CSMD1: variants seen among roughly 807,000 people sequenced by gnomAD.
CSMD1 encodes CUB and sushi domain-containing protein 1.
In CSMD1, 213 loss-of-function variants were observed where a neutral mutation model predicts 417.5. The ratio of observed to expected loss-of-function variants is 0.51; its 90% CI spans 0.46 to 0.57. CSMD1 has a LOEUF of 0.57. Ranked by LOEUF, CSMD1 falls within the 20% of genes least tolerant of loss-of-function variation. The pLI, the probability that CSMD1 is intolerant of heterozygous loss-of-function variation, is 0.00. For synonymous variants in CSMD1, 2,862 were observed against 1,736.8 expected (o/e 1.65, Z -16.11); for missense variants, 6,923 against 4,529.7 (o/e 1.53, Z -15.17).
chr8:4,279,201 C>T (rs1298011661), intron 3 of CSMD1, among the ~76,000 whole-genome samples: 1 of 150,898 alleles, frequency 6.6e-6, no homozygotes, highest in Non-Finnish European at 1.5e-5. Flanking sequence ...ACGCAGTATA[C>T]ACACTAACAC....
chr8:3,975,752 T>G (rs769760823), intron 5 of CSMD1, among the ~76,000 whole-genome samples: 1 of 152,156 alleles, frequency 6.6e-6, no homozygotes, highest in Non-Finnish European at 1.5e-5. Context: ...ACAGAAAATG[T>G]CATGTCCAAG....
intron 7 of CSMD1, among the ~76,000 whole-genome samples, chr8:3,668,326 T>C (rs986388398): frequency 6.6e-6 from 1 of 152,142 alleles, no homozygotes; most frequent in South Asian, 2.1e-4. Flanking sequence ...AGGAGGGGCA[T>C]GTCCCACACA....
At chr8:3,318,567 G>A (rs527881281) in intron 23 of CSMD1, among the ~76,000 whole-genome samples, 4 of 152,264 alleles carry the variant, frequency 2.6e-5, no homozygotes, top group South Asian at 4.1e-4. Flanking sequence ...TACTTATTAA[G>A]CGCTTAATAT....
chr8:4,120,506 A>G (rs1802424770), intron 3 of CSMD1, among the ~76,000 whole-genome samples: 1 of 152,170 alleles, frequency 6.6e-6, no homozygotes, highest in South Asian at 2.1e-4. Flanking sequence ...GAGATCAATT[A>G]TTTCCAAATT....
chr8:3,307,912 G>A (rs951354046), intron 24 of CSMD1, 91 bp from the exon 25 acceptor site: 8 of 1,363,700 alleles, frequency 5.9e-6, no homozygotes, highest in African/African-American at 1.5e-5. Flanking sequence ...CATTATGTCT[G>A]CATTATATAC....
intron 2 of CSMD1, among the ~76,000 whole-genome samples, chr8:4,434,441 C>G (rs139156008): frequency 2.6e-5 from 4 of 152,160 alleles, no homozygotes; most frequent in East Asian, 3.9e-4. Context: ...CAGCCCTTGG[C>G]TTTGTGACCC....
intron 1 of CSMD1, among the ~76,000 whole-genome samples, chr8:4,921,240 C>T (rs1016063832): frequency 1.3e-5 from 2 of 152,150 alleles, no homozygotes; most frequent in African/African-American, 4.8e-5. Flanking sequence ...AAACCTCTTC[C>T]ACCAGCCAGA....
chr8:3,754,048 G>A lies in CSMD1; in HGVS notation c.819-6C>T, dbSNP rs73188909. 3.1e-6 allele frequency: 5 copies of A among 1,600,000 alleles called. No individual in the cohort carries two copies. Among genetic ancestry groups the A allele is most frequent in the South Asian group, 2.2e-5 (2 of 90,600 alleles). On this transcript the variant is annotated splice_region_variant and splice_polypyrimidine_tract_variant and intron_variant, in intron 5 of 69. Coordinates refer to ENST00000635120, the MANE Select transcript of CSMD1 (RefSeq NM_033225.6). Reference sequence around the variant, plus strand: ...GGAGGTTCATGCCAGTTAGCCTAGAGAAGAGAAAGAGGAAAAAAATCTCCC... The same window carrying A: ...GGAGGTTCATGCCAGTTAGCCTAGAAAAGAGAAAGAGGAAAAAAATCTCCC...
intron 7 of CSMD1, among the ~76,000 whole-genome samples, chr8:3,623,783 C>T (rs892757403): frequency 2.6e-5 from 4 of 152,216 alleles, no homozygotes; most frequent in African/African-American, 9.6e-5. Context: ...CAAGACTAGA[C>T]TGAACAACAT....
At chr8:3,487,173 C>G (rs1177263126) in intron 11 of CSMD1, among the ~76,000 whole-genome samples, 3 of 151,316 alleles carry the variant, frequency 2.0e-5, no homozygotes, top group African/African-American at 7.3e-5. Flanking sequence ...CTTCAGACAA[C>G]AGTGATTGAT....
chr8:4,857,543 A>G (rs543514198), intron 1 of CSMD1, among the ~76,000 whole-genome samples: 7 of 152,348 alleles, frequency 4.6e-5, no homozygotes, highest in African/African-American at 1.7e-4. Context: ...AAAAAGAGAG[A>G]AGAATCAAAT....
chr8:4,818,203 C>T (rs370499280), intron 1 of CSMD1, among the ~76,000 whole-genome samples: 2 of 152,190 alleles, frequency 1.3e-5, no homozygotes, highest in East Asian at 3.9e-4. Flanking sequence ...ATGAGTTCTC[C>T]TGAGCAAATG....
chr8:4,843,796 T>C (rs1800974843), intron 1 of CSMD1, among the ~76,000 whole-genome samples: 1 of 152,224 alleles, frequency 6.6e-6, no homozygotes, highest in South Asian at 2.1e-4. Context: ...ATGAACAAAC[T>C]GATACAACGT....
intron 3 of CSMD1, among the ~76,000 whole-genome samples, chr8:4,310,102 T>C (rs118020583): frequency 1.3e-5 from 2 of 152,254 alleles, no homozygotes; most frequent in East Asian, 1.9e-4. Context: ...CTCTCAGAGA[T>C]TCACTTATCT....
intron 1 of CSMD1, among the ~76,000 whole-genome samples, chr8:4,859,575 C>T (rs567815748): frequency 1.9e-3 from 293 of 152,178 alleles, no homozygotes; most frequent in Middle Eastern, 6.8e-3. Context: ...AAAAAACAAA[C>T]AACCCCATCA....
At chr8:4,919,969 C>T (rs950292043) in intron 1 of CSMD1, among the ~76,000 whole-genome samples, 2 of 152,294 alleles carry the variant, frequency 1.3e-5, no homozygotes, top group African/African-American at 2.4e-5. Context: ...TCTTGGACTT[C>T]CCAGCCTCCA....
chr8:4,451,396 C>T (rs147348448), intron 2 of CSMD1, among the ~76,000 whole-genome samples: 1 of 152,282 alleles, frequency 6.6e-6, no homozygotes, highest in East Asian at 1.9e-4. Context: ...AATTATTGAA[C>T]ATGTGCTATG....
chr8:3,245,787 G>A (rs976245389), intron 26 of CSMD1, among the ~76,000 whole-genome samples: 17 of 152,210 alleles, frequency 1.1e-4, no homozygotes, highest in Non-Finnish European at 2.4e-4. Flanking sequence ...GTTGTGTTAA[G>A]CCCTCTTGCT....
chr8:3,523,179 T>C (rs1327939129), intron 10 of CSMD1, among the ~76,000 whole-genome samples: 2 of 152,154 alleles, frequency 1.3e-5, no homozygotes, highest in Non-Finnish European at 2.9e-5. Context: ...GCTGGGCTAC[T>C]TGGAATCAAA....
Sources: gnomAD v4.1 joint callset for allele counts (sites outside exome capture counted in the v4.1 genomes callset) on GRCh38, gnomAD v4.1.1 for gene constraint, MANE v1.5 for transcripts, NCBI Gene and HGNC (gene_info 2026-07-23, HGNC 2026-07-21) for gene names.